ABCA8: variants seen among roughly 807,000 people sequenced by gnomAD.
ABCA8 encodes ABC-type organic anion transporter ABCA8.
A neutral mutation model predicts 192.3 loss-of-function variants in ABCA8; 177 were observed. The ratio of observed to expected loss-of-function variants is 0.92; its 90% confidence interval spans 0.81 to 1.04. The LOEUF (loss-of-function observed/expected upper bound fraction) is 1.04, where lower values mean the gene tolerates loss of function less well. Among genes scored for constraint, ABCA8 ranks in the 50% least tolerant of loss-of-function variants. The pLI is 0.00. For synonymous variants in ABCA8, 642 were observed against 690.2 expected (o/e 0.93, Z 1.09); for missense variants, 1,915 against 1,904.8 (o/e 1.01, Z -0.10).
intron 17 of ABCA8, among the ~76,000 whole-genome samples, chr17:68,909,504 G>A (rs1448980665): frequency 6.6e-6 from 1 of 152,194 alleles, no homozygotes; most frequent in Non-Finnish European, 1.5e-5. Flanking sequence ...ATTGGGCAGG[G>A]ATCCTGACTA....
In ABCA8 at chr17:68,924,700, C is replaced by T. The variant is rs1316005349; in HGVS notation, c.1442+1G>A. The T allele has an allele frequency of 2.5e-6, 4 of 1,612,252 alleles. No individual in the cohort carries two copies. In the South Asian group the frequency reaches 4.4e-5, roughly 18 times the overall value. On this transcript the variant is annotated splice_donor_variant, in intron 11 of 39. Coordinates refer to ENST00000586539, the MANE Select transcript of ABCA8 (RefSeq NM_001288985.2). LOFTEE classifies it high-confidence loss of function. Reference sequence around the variant, plus strand: ...CTGTTCTCCACCTGCAGCCTTATTACCTGATGGCTTCTTTCCCTTGGAATT... The same window carrying T: ...CTGTTCTCCACCTGCAGCCTTATTATCTGATGGCTTCTTTCCCTTGGAATT...
intron 1 of ABCA8, among the ~76,000 whole-genome samples, chr17:68,953,972 T>C (rs2068641779): frequency 6.6e-6 from 1 of 152,056 alleles, no homozygotes; most frequent in Non-Finnish European, 1.5e-5. Flanking sequence ...AGGGCAAAAG[T>C]TTCTGGGTTC....
At position 68,927,978 on chromosome 17, in the gene ABCA8, A is replaced by T; in HGVS notation, c.1211T>A (p.Met404Lys). ...ATAGAGGCAAGTGTCAAATGCCAACATGAAATTTGTTGCTACAATGAGATT... is the reference window on the plus strand; with the variant it reads ...ATAGAGGCAAGTGTCAAATGCCAACTTGAAATTTGTTGCTACAATGAGATT... ...GSNLIVATNF[M>K]LAFDTCLYLA... is the part of the protein sequence containing the mutation. The change falls in exon 10 of 40, where the codon ATG becomes AAG. Residue 404 changes from methionine to lysine, a missense_variant. Physicochemically the swap from Met to Lys is moderately conservative, Grantham distance 95 (BLOSUM62 -1). Transcript: ENST00000586539. 6.2e-7 allele frequency: 1 copy of T among 1,609,282 alleles called. No individual in the cohort carries two copies. Among genetic ancestry groups the T allele is most frequent in the Non-Finnish European group, 8.5e-7 (1 of 1,178,448 alleles).
intron 26 of ABCA8, among the ~76,000 whole-genome samples, chr17:68,886,372 C>T (rs1272342377): frequency 6.6e-6 from 1 of 152,132 alleles, no homozygotes; most frequent in African/African-American, 2.4e-5. Context: ...CTAGGATCAG[C>T]TTGGGCTTTT....
Position 68,921,592 on chromosome 17 carries a change from T to G in ABCA8, c.1502-100A>C, listed in dbSNP as rs2067535805. ...CATTATGGAGCCAATGAATTGTTAT[T>G]AATTCTCTTGAATGGTTGTCTTTTC... is the stretch of plus-strand genomic sequence containing the variant. On this transcript the variant is annotated intron_variant, in intron 12 of 39. Coordinates refer to ENST00000586539, the MANE Select transcript of ABCA8 (RefSeq NM_001288985.2). 4 of 621,474 alleles carry G rather than the reference T, an allele frequency of 6.4e-6. No individual in the cohort carries two copies. In the East Asian group the frequency reaches 1.1e-4, roughly 18 times the overall value. The allele number at this position is 621,474 out of a possible 1,614,324, so 38.5% of individuals were successfully genotyped here.
chr17:68,922,406 C>A, intron 11 of ABCA8, 106 bp from the exon 12 acceptor site: 4 of 795,344 alleles, frequency 5.0e-6, no homozygotes, highest in Non-Finnish European at 7.6e-6. Flanking sequence ...ACATGAAGAT[C>A]TGGGTCTTCA....
intron 37 of ABCA8, among the ~76,000 whole-genome samples, chr17:68,872,379 G>A (rs1164540587): frequency 7.1e-6 from 1 of 141,796 alleles, no homozygotes; most frequent in Non-Finnish European, 1.5e-5. Flanking sequence ...GGAATTGAAC[G>A]AGATCACATG....
intron 38 of ABCA8, 118 bp downstream of exon 38, chr17:68,869,582 A>T (rs1235779827): frequency 5.3e-6 from 4 of 750,596 alleles, no homozygotes; most frequent in Non-Finnish European, 9.1e-6. Context: ...TCAATTTGAG[A>T]CTGTAACTTT....
chr17:68,876,602 A>G (rs1293399876), intron 34 of ABCA8, 26 bp downstream of exon 34: 1 of 1,614,178 alleles, frequency 6.2e-7, no homozygotes, highest in African/African-American at 1.3e-5. Context: ...TGGCACTTGC[A>G]GAGCAACACC....
At chr17:68,882,574 A>G in intron 30 of ABCA8, 25 bp downstream of exon 30, 1 of 1,594,752 alleles carries the variant, frequency 6.3e-7, no homozygotes, top group Non-Finnish European at 8.5e-7. Context: ...CTGACTAATA[A>G]AAAAACCTTT....
chr17:68,894,387 T>A, intron 22 of ABCA8, 77 bp from the exon 23 acceptor site: 1 of 1,285,020 alleles, frequency 7.8e-7, no homozygotes, highest in Non-Finnish European at 1.1e-6. Context: ...TTTGACATGT[T>A]AAATTAAGAG....
chr17:68,902,751 T>G lies in ABCA8; in HGVS notation c.2726A>C (p.His909Pro). The change falls in exon 21 of 40, where the codon CAT (histidine) becomes CCT (proline). Residue 909 changes from histidine to proline, a missense_variant. Coordinates refer to ENST00000586539, the MANE Select transcript of ABCA8 (RefSeq NM_001288985.2). ...LYFLAPGQQP[H>P]DPLTQLLIIN... Reference sequence around the variant, plus strand: ...GATCAGTAGTTGAGTGAGAGGGTCATGTGGTTGTTGTCCAGGAGCAAGGAA... The same window carrying G: ...GATCAGTAGTTGAGTGAGAGGGTCAGGTGGTTGTTGTCCAGGAGCAAGGAA... 1 of 1,613,820 alleles carries G rather than the reference T, an allele frequency of 6.2e-7. No individual in the cohort carries two copies.
rs1322923513 is a variant in ABCA8, at chr17:68,918,125, T to G, written c.1969A>C (p.Asn657His). 4 of 1,614,200 alleles carry G rather than the reference T, an allele frequency of 2.5e-6. No individual in the cohort carries two copies. The highest frequency in any genetic ancestry group is 1.6e-4 in the Middle Eastern group (1 of 6,062). Reference sequence around the variant, plus strand: ...TCTGTTTTGCGTTCTTTCAGAAGGTTCCATACTTGGTGTCTTGAAAAGGGA... The same window carrying G: ...TCTGTTTTGCGTTCTTTCAGAAGGTGCCATACTTGGTGTCTTGAAAAGGGA... ...LDPFSRHQVWNLLKERKTDRV... is the reference protein window; with the variant it reads ...LDPFSRHQVWHLLKERKTDRV... Residue 657 changes from asparagine (N) to histidine (H), a missense_variant, in exon 16 of 40, where the codon AAC becomes CAC. Asn to His is a moderately conservative substitution (Grantham distance 68, BLOSUM62 1). Coordinates refer to ENST00000586539, the MANE Select transcript of ABCA8 (RefSeq NM_001288985.2).
At chr17:68,900,538 C>CAAAAAAAAAAAAAA (rs35696026) in intron 21 of ABCA8, among the ~76,000 whole-genome samples, 3 of 108,894 alleles carry the variant, frequency 2.8e-5, no homozygotes, top group Non-Finnish European at 5.6e-5. Flanking sequence ...CACAAAGTCT[C>CAAAAAAAAAAAAAA]AAAAAAAAAA....
chr17:68,916,048 C>T (rs2143587734), intron 17 of ABCA8, among the ~76,000 whole-genome samples: 1 of 152,102 alleles, frequency 6.6e-6, no homozygotes, highest in East Asian at 1.9e-4. Context: ...CATACGTTTT[C>T]ATTCGTTTGT....
chr17:68,928,111 A>C, intron 9 of ABCA8, 48 bp from the exon 10 acceptor site: 1 of 1,450,458 alleles, frequency 6.9e-7, no homozygotes, highest in South Asian at 1.3e-5. Flanking sequence ...TATAAGATAC[A>C]TTTTAAACAG....
At chr17:68,870,265 T>C (rs2066013741) in intron 37 of ABCA8, among the ~76,000 whole-genome samples, 1 of 152,212 alleles carries the variant, frequency 6.6e-6, no homozygotes, top group Non-Finnish European at 1.5e-5. Flanking sequence ...CAGCCCACTC[T>C]GTAAGGAAGT....
In ABCA8 at chr17:68,911,262, G is replaced by A. The variant is rs2067221569; in HGVS notation, c.2139-3383C>T. On this transcript the variant is annotated intron_variant, in intron 17 of 39. Coordinates refer to ENST00000586539, the MANE Select transcript of ABCA8 (RefSeq NM_001288985.2). This position sits in a 1 kb window ranked among gnomAD's most constrained non-coding sequence, Gnocchi z 5.7. ...CAGCATGTACTACAAGCTGCCTGAA[G>A]TCCCTTGGGCCTTGAGTGAACATCA... Among the ~76,000 whole-genome samples, 1 of 151,862 alleles carries A rather than the reference G, an allele frequency of 6.6e-6. No homozygotes were observed. Among genetic ancestry groups the A allele is most frequent in the South Asian group, 2.1e-4 (1 of 4,800 alleles).
chr17:68,952,812 A>G (rs1038176647), intron 1 of ABCA8, among the ~76,000 whole-genome samples: 5 of 152,078 alleles, frequency 3.3e-5, no homozygotes, highest in African/African-American at 1.2e-4. Context: ...GCAGTAGACT[A>G]CCCTCTACCC....
Sources: allele counts gnomAD v4.1 joint callset (sites outside exome capture counted in the v4.1 genomes callset), GRCh38; gene constraint gnomAD v4.1.1; non-coding constraint Gnocchi (gnomAD v3.1); transcripts MANE v1.5; gene names NCBI Gene and HGNC (gene_info 2026-07-23, HGNC 2026-07-21).